Variants in SETDB1 observed in about 807,000 individuals in gnomAD.
The protein encoded by SETDB1 is SET domain bifurcated histone lysine methyltransferase 1.
SETDB1 carries 31 observed loss-of-function variants against 137.4 expected under a neutral mutation model. That is an observed-to-expected ratio of 0.23 (90% CI 0.17 to 0.30). The LOEUF is 0.30. SETDB1 is among the 10% of genes least tolerant of loss of function. The pLI is 1.00. For missense variants in SETDB1, 1,113 were observed against 1,631.5 expected (o/e 0.68, Z 5.47); for synonymous variants, 548 against 579.9 (o/e 0.95, Z 0.79).
chr1:150,962,704 T>G lies in SETDB1; in HGVS notation c.3279T>G (p.Ala1093=). 6.2e-7 allele frequency: 1 copy of G among 1,614,160 alleles called. No individual in the cohort carries two copies. The highest frequency in any genetic ancestry group is 8.5e-7 in the Non-Finnish European group (1 of 1,180,018). ...MHQSRRLMAS[A]QSNPDDVLTL... ...AAAGCCGAAGACTCATGGCTTCTGC[T>G]CAGTCCAACCCTGATGTAAGTCACC... The change falls in exon 18 of 22, where the codon GCT becomes GCG. Residue 1093 remains alanine (A), a synonymous_variant. Transcript: ENST00000692827.
At chr1:150,940,951 T>C in intron 4 of SETDB1, among the ~76,000 whole-genome samples, 1 of 150,426 alleles carries the variant, frequency 6.6e-6, no homozygotes, top group East Asian at 2.0e-4. Flanking sequence ...TGAACCTAAA[T>C]CATGCCATTG....
At chr1:150,956,886 G>C (rs757536784) in intron 14 of SETDB1, among the ~76,000 whole-genome samples, 3 of 152,084 alleles carry the variant, frequency 2.0e-5, no homozygotes, top group African/African-American at 4.8e-5. Flanking sequence ...AGGCCGTGGT[G>C]GGGGGATGGC....
intron 14 of SETDB1, among the ~76,000 whole-genome samples, chr1:150,957,292 C>G (rs1670672061): frequency 6.6e-6 from 1 of 152,058 alleles, no homozygotes; most frequent in Non-Finnish European, 1.5e-5. Flanking sequence ...CGCTTGAACC[C>G]AGGAAGCGGA....
chr1:150,942,000 C>T (rs1381498383), intron 5 of SETDB1, among the ~76,000 whole-genome samples: 3 of 151,518 alleles, frequency 2.0e-5, no homozygotes, highest in East Asian at 1.9e-4. Flanking sequence ...ATTAGCCAGG[C>T]GTGGTGGCGC....
intron 16 of SETDB1, 104 bp downstream of exon 16, chr1:150,961,295 A>G (rs1378739805): frequency 1.6e-6 from 2 of 1,219,034 alleles, no homozygotes; most frequent in Middle Eastern, 2.7e-4. Context: ...TACTTGATGG[A>G]TATTTCTGTG....
At chr1:150,937,384 AAAG>A (rs1402421549) in intron 3 of SETDB1, among the ~76,000 whole-genome samples, 3 of 152,110 alleles carry the variant, frequency 2.0e-5, no homozygotes, top group Non-Finnish European at 4.4e-5. Context: ...TGCAAAATGA[AAAG>A]AGTTCTGGAA....
At chr1:150,962,493 G>A (rs1001740440) in intron 17 of SETDB1, 94 bp from the exon 18 acceptor site, 22 of 1,266,444 alleles carry the variant, frequency 1.7e-5, no homozygotes, top group Non-Finnish European at 2.4e-5. Flanking sequence ...CTGTCTTTTT[G>A]ACCTGTCTCC....
chr1:150,943,892 T>C (rs764762555), intron 7 of SETDB1, 28 bp from the exon 8 acceptor site: 1 of 1,405,652 alleles, frequency 7.1e-7, no homozygotes, highest in African/African-American at 1.4e-5. Context: ...AACCCCCAGA[T>C]CTTTCTGCTG....
In SETDB1 at chr1:150,961,057, G is replaced by A; in HGVS notation, c.2998G>A (p.Asp1000Asn). The A allele has an allele frequency of 6.8e-7, 1 of 1,472,194 alleles. No individual in the cohort carries two copies. Among genetic ancestry groups the A allele is most frequent in the South Asian group, 1.1e-5 (1 of 89,446 alleles). 91.2% of individuals were successfully genotyped at this position (1,472,194 alleles called of 1,614,324 possible). The change falls in exon 16 of 22, where the codon GAT becomes AAT. Residue 1000 changes from aspartate to asparagine, a missense_variant. Asp to Asn is a conservative substitution (Grantham distance 23). Around this residue, in one of 11 missense-constraint regions of SETDB1, gnomAD observed 373 missense variants for 412.7 expected, o/e 0.90. Coordinates refer to ENST00000692827, the MANE Select transcript of SETDB1 (RefSeq NM_001366418.1). Reference sequence around the variant, plus strand: ...CAGTGAAGGTGGTTTTGCTGACTCTGATAGCCATTCATCCTTCAAGACTAA... The same window carrying A: ...CAGTGAAGGTGGTTTTGCTGACTCTAATAGCCATTCATCCTTCAAGACTAA... ...SVSEGGFADS[D>N]SHSSFKTNEG...
At chr1:150,939,786 A>G (rs1670074391) in intron 3 of SETDB1, among the ~76,000 whole-genome samples, 154 bp from the exon 4 acceptor site, 3 of 152,136 alleles carry the variant, frequency 2.0e-5, no homozygotes, top group African/African-American at 4.8e-5. Flanking sequence ...CCTTTTGAGT[A>G]CTTTATATTT....
intron 2 of SETDB1, 54 bp downstream of exon 2, chr1:150,928,028 G>A (rs1669593602): frequency 6.4e-7 from 1 of 1,566,352 alleles, no homozygotes; most frequent in Non-Finnish European, 8.7e-7. Context: ...GATGTTTTTA[G>A]AGAATAATTG....
chr1:150,962,450 T>TA (rs1171896468), intron 17 of SETDB1, 137 bp from the exon 18 acceptor site: 1 of 844,818 alleles, frequency 1.2e-6, no homozygotes, highest in Non-Finnish European at 1.9e-6. Context: ...GTGCTGGGAT[T>TA]ACAGCCATGA....
chr1:150,931,492 G>A (rs1669744877), intron 3 of SETDB1, among the ~76,000 whole-genome samples: 1 of 151,312 alleles, frequency 6.6e-6, no homozygotes, highest in South Asian at 2.1e-4. Flanking sequence ...GGCTGAGGCA[G>A]GAGAATGGCG....
At chr1:150,928,046 C>A in intron 2 of SETDB1, 72 bp downstream of exon 2, 1 of 1,494,680 alleles carries the variant, frequency 6.7e-7, no homozygotes, top group Non-Finnish European at 9.2e-7. Context: ...TTGTTCATGA[C>A]ATTGAACCAA....
chr1:150,941,543 G>C (rs1670149378), intron 5 of SETDB1, 115 bp downstream of exon 5: 1 of 636,880 alleles, frequency 1.6e-6, no homozygotes, highest in African/African-American at 1.8e-5. Context: ...ATCCTTAGTA[G>C]TTATGAAATC....
intron 1 of SETDB1, 183 bp downstream of exon 1, chr1:150,926,700 G>C (rs1260407181): frequency 1.9e-6 from 1 of 530,496 alleles, no homozygotes; most frequent in Admixed American, 2.0e-5. Flanking sequence ...GGGTGGGCTG[G>C]TGTGTGGGCA....
chr1:150,964,098 A>G lies in SETDB1; in HGVS notation c.3761+15A>G, dbSNP rs587647115. The stretch of plus-strand genomic sequence containing the variant: ...TTTGCCAGCAAGTAAGGAGTCAGGA[A>G]AGGGGATGACTGGGGAGGGGCAAGG... On this transcript the variant is annotated intron_variant, in intron 21 of 21. Coordinates refer to ENST00000692827, the MANE Select transcript of SETDB1 (RefSeq NM_001366418.1). 1 of 1,608,870 alleles carries G rather than the reference A, an allele frequency of 6.2e-7. No homozygotes were observed. Among genetic ancestry groups the G allele is most frequent in the South Asian group, 1.1e-5 (1 of 90,974 alleles).
chr1:150,946,220 T>C (rs1464092782), intron 9 of SETDB1, among the ~76,000 whole-genome samples: 1 of 151,870 alleles, frequency 6.6e-6, no homozygotes, highest in African/African-American at 2.4e-5. Context: ...GGTTTCGCCA[T>C]GTTGCCCAGG....
In SETDB1 at chr1:150,943,077, G is replaced by A. The variant is rs1346582246; in HGVS notation, c.875+24G>A. On this transcript the variant is annotated intron_variant, in intron 7 of 21. Coordinates refer to ENST00000692827, the MANE Select transcript of SETDB1 (RefSeq NM_001366418.1). ...AGGTACCTGGACAGAGGACTGTAAAGGGGTAGAGGCTGGGAGCACAGCACC... is the reference window on the plus strand; with the variant it reads ...AGGTACCTGGACAGAGGACTGTAAAAGGGTAGAGGCTGGGAGCACAGCACC... 7.6e-6 allele frequency: 12 copies of A among 1,578,268 alleles called. No individual in the cohort carries two copies. The Admixed American group carries it at 2.0e-4, about 26-fold the overall frequency.
Sources: allele counts gnomAD v4.1 joint callset (sites outside exome capture counted in the v4.1 genomes callset), GRCh38; gene constraint gnomAD v4.1.1; regional missense constraint gnomAD v4.1.1; transcripts MANE v1.5; gene names NCBI Gene and HGNC (gene_info 2026-07-23, HGNC 2026-07-21).